Variants in PPARGC1A observed in about 807,000 individuals in gnomAD.
PPARGC1A encodes PPARG coactivator 1 alpha.
A neutral mutation model predicts 88.7 loss-of-function variants in PPARGC1A; 25 were observed. The ratio of observed to expected loss-of-function variants is 0.28; its 90% CI spans 0.21 to 0.39. The LOEUF (loss-of-function observed/expected upper bound fraction) is 0.39. PPARGC1A is among the 10% of genes least tolerant of loss of function. The pLI is 1.00. For synonymous variants in PPARGC1A, 363 were observed against 355.6 expected, an observed-to-expected ratio of 1.02 and a Z score of -0.24; for missense variants, 880 against 968.7, an observed-to-expected ratio of 0.91 and a Z score of 1.22.
chr4:23,935,678 A>G, the PPARGC1A span, among the ~76,000 whole-genome samples: 1 of 152,180 alleles, frequency 6.6e-6, no homozygotes, highest in Non-Finnish European at 1.5e-5. Context: ...CGTGGTAGAC[A>G]TTTGTATCTC....
the PPARGC1A span, among the ~76,000 whole-genome samples, chr4:24,120,370 ACT>A: frequency 9.2e-5 from 14 of 152,076 alleles, no homozygotes; most frequent in Non-Finnish European, 1.6e-4. Context: ...AACTCTGCAA[ACT>A]CTGGCAGAGA....
At chr4:23,946,295 C>A in the PPARGC1A span, among the ~76,000 whole-genome samples, 2 of 152,056 alleles carry the variant, frequency 1.3e-5, no homozygotes, top group Non-Finnish European at 2.9e-5. Context: ...TTCGTCAGGC[C>A]CAGCAAGATT....
the PPARGC1A span, among the ~76,000 whole-genome samples, chr4:24,324,642 C>T: frequency 2.8e-4 from 43 of 152,248 alleles, no homozygotes; most frequent in African/African-American, 1.0e-3. Flanking sequence ...TCCAAATAGC[C>T]GGAAAATGGC....
At chr4:23,946,900 C>A in the PPARGC1A span, among the ~76,000 whole-genome samples, 1 of 151,952 alleles carries the variant, frequency 6.6e-6, no homozygotes, top group Non-Finnish European at 1.5e-5. Context: ...TTTTAATATT[C>A]TCATGGTACC....
At chr4:24,307,217 G>A in the PPARGC1A span, among the ~76,000 whole-genome samples, 1 of 152,094 alleles carries the variant, frequency 6.6e-6, no homozygotes, top group African/African-American at 2.4e-5. Flanking sequence ...CATGGAAAGG[G>A]GATCAGGGTT....
chr4:24,437,672 T>C, the PPARGC1A span, among the ~76,000 whole-genome samples: 1 of 151,102 alleles, frequency 6.6e-6, no homozygotes, highest in Non-Finnish European at 1.5e-5. Context: ...TTTTTCTTTC[T>C]TTTTTTTTCT....
chr4:24,198,497 G>A, the PPARGC1A span, among the ~76,000 whole-genome samples: 1 of 152,182 alleles, frequency 6.6e-6, no homozygotes, highest in African/African-American at 2.4e-5. Flanking sequence ...GTCAGGGCTA[G>A]GGTTAGACTT....
chr4:24,317,517 A>AGCAGAGGT, the PPARGC1A span, among the ~76,000 whole-genome samples: 1 of 139,880 alleles, frequency 7.1e-6, no homozygotes, highest in Non-Finnish European at 1.5e-5. Context: ...AAGCCCTCAT[A>AGCAGAGGT]GCAGAGGTGA....
At chr4:24,370,417 A>G in the PPARGC1A span, among the ~76,000 whole-genome samples, 1 of 152,230 alleles carries the variant, frequency 6.6e-6, no homozygotes, top group Non-Finnish European at 1.5e-5. Flanking sequence ...TAGATATGAC[A>G]CATAAGGAGA....
At chr4:24,382,831 C>T in the PPARGC1A span, among the ~76,000 whole-genome samples, 1 of 152,232 alleles carries the variant, frequency 6.6e-6, no homozygotes, top group Non-Finnish European at 1.5e-5. Context: ...TTAAACGTTC[C>T]TGCTGCTGGC....
At chr4:24,448,881 A>G in the PPARGC1A span, among the ~76,000 whole-genome samples, 2 of 152,236 alleles carry the variant, frequency 1.3e-5, no homozygotes, top group Non-Finnish European at 2.9e-5. Flanking sequence ...ATGAATCATG[A>G]GATCTGCCTG....
chr4:24,361,350 T>C, the PPARGC1A span, among the ~76,000 whole-genome samples: 1 of 152,300 alleles, frequency 6.6e-6, no homozygotes, highest in Non-Finnish European at 1.5e-5. Flanking sequence ...ATTTACCTCT[T>C]AGAGTCAAAC....
In PPARGC1A at chr4:23,793,405, TCAAG is replaced by T. The variant is rs1473303807; in HGVS notation, c.*2413_*2416del. On this transcript the variant is annotated 3_prime_UTR_variant, in exon 13 of 13. Coordinates refer to ENST00000264867, the MANE Select transcript of PPARGC1A (RefSeq NM_013261.5). The stretch of plus-strand genomic sequence containing the variant: ...TACTTAGAAATAAGAAGCCAAAAAA[TCAAG>T]CAAGCATCCGACAGGACAAACAGTG... 2 of 152,418 alleles carry T rather than the reference TCAAG, an allele frequency of 1.3e-5. No homozygotes were observed. Among genetic ancestry groups the T allele is most frequent in the African/African-American group, 4.8e-5 (2 of 41,402 alleles). The allele number at this position is 152,418 out of a possible 1,614,324, so 9.4% of individuals were successfully genotyped here. A position where few individuals can be genotyped will look rare whatever the true frequency, so the allele number is the denominator to read the frequency against.
chr4:24,066,849 G>GTTTTTTTTTTTTTTTTTTTTTTTT, the PPARGC1A span, among the ~76,000 whole-genome samples: 1 of 100,880 alleles, frequency 9.9e-6, no homozygotes, highest in Non-Finnish European at 1.9e-5. Flanking sequence ...TTTGTTTTGG[G>GTTTTTTTTTTTTTTTTTTTTTTTT]TTTTTTTTTT....
the PPARGC1A span, among the ~76,000 whole-genome samples, chr4:24,208,739 T>C: frequency 9.3e-5 from 14 of 150,252 alleles, no homozygotes; most frequent in African/African-American, 3.2e-4. Flanking sequence ...ATACGTATAA[T>C]TCATCCAGTG....
In PPARGC1A at chr4:23,792,968, TATG is replaced by T. The variant is rs1716904185; in HGVS notation, c.*2851_*2853del. 1.3e-5 allele frequency: 2 copies of T among 152,306 alleles called. No homozygotes were observed. Among genetic ancestry groups the T allele is most frequent in the African/African-American group, 4.8e-5 (2 of 41,394 alleles). 9.4% of individuals were successfully genotyped at this position (152,306 alleles called of 1,614,324 possible). ...GTAGGGGGGATAAATTAATCCTCAATATGATATCTGTAGTGCTGTCTTTTGATA... is the reference window on the plus strand; with the variant it reads ...GTAGGGGGGATAAATTAATCCTCAATATATCTGTAGTGCTGTCTTTTGATA... On this transcript the variant is annotated 3_prime_UTR_variant, in exon 13 of 13. Transcript: ENST00000264867.
chr4:24,221,432 T>C, the PPARGC1A span, among the ~76,000 whole-genome samples: 4 of 152,246 alleles, frequency 2.6e-5, no homozygotes, highest in South Asian at 2.1e-4. Context: ...GAATGAGAGA[T>C]GGCAGAACCT....
chr4:23,933,387 T>G, the PPARGC1A span, among the ~76,000 whole-genome samples: 1 of 152,232 alleles, frequency 6.6e-6, no homozygotes, highest in Non-Finnish European at 1.5e-5. Context: ...ACTATTATTT[T>G]CACTTTGCTT....
intron 10 of PPARGC1A, among the ~76,000 whole-genome samples, chr4:23,803,211 C>T (rs552255997): frequency 6.6e-6 from 1 of 151,508 alleles, no homozygotes; most frequent in Non-Finnish European, 1.5e-5. Flanking sequence ...TCTAGTTGTA[C>T]TAAAAAAAAA....
Sources: gnomAD v4.1 joint callset for allele counts (sites outside exome capture counted in the v4.1 genomes callset) on GRCh38, gnomAD v4.1.1 for gene constraint, MANE v1.5 for transcripts, NCBI Gene and HGNC (gene_info 2026-07-23, HGNC 2026-07-21) for gene names.